NRDC: variants seen among roughly 807,000 people sequenced by gnomAD.
The protein encoded by NRDC is nardilysin.
A neutral mutation model predicts 147.1 loss-of-function variants in NRDC; 54 were observed. The ratio of observed to expected loss-of-function variants is 0.37; its 90% CI spans 0.29 to 0.46. The LOEUF is 0.46. NRDC is among the 20% of genes least tolerant of loss of function. The pLI, the probability that NRDC is intolerant of heterozygous loss-of-function variation, is 1.00. For missense variants in NRDC, 1,082 were observed against 1,370.6 expected, an observed-to-expected ratio of 0.79 and a Z score of 3.33; for synonymous variants, 440 against 482.1, an observed-to-expected ratio of 0.91 and a Z score of 1.14.
At chr1:51,820,949 G>GA (rs1183918546) in intron 8 of NRDC, among the ~76,000 whole-genome samples, 1 of 152,052 alleles carries the variant, frequency 6.6e-6, no homozygotes, top group Non-Finnish European at 1.5e-5. Context: ...TTGAGGTGGA[G>GA]AAAAAATGTT....
At chr1:51,805,191 C>T (rs1408248180) in intron 19 of NRDC, among the ~76,000 whole-genome samples, 1 of 152,172 alleles carries the variant, frequency 6.6e-6, no homozygotes, top group Non-Finnish European at 1.5e-5. Flanking sequence ...TCAACAGATC[C>T]ATCAGTCTCA....
intron 1 of NRDC, among the ~76,000 whole-genome samples, chr1:51,845,851 G>A (rs962859835): frequency 6.6e-6 from 1 of 151,942 alleles, no homozygotes; most frequent in African/African-American, 2.4e-5. Flanking sequence ...TTAATAAACA[G>A]ATATTGAATA....
chr1:51,841,903 T>A (rs555190296), intron 1 of NRDC, among the ~76,000 whole-genome samples: 1 of 152,206 alleles, frequency 6.6e-6, no homozygotes, highest in African/African-American at 2.4e-5. Context: ...TGGCCTAAGA[T>A]GGAAGACTGA....
intron 1 of NRDC, among the ~76,000 whole-genome samples, chr1:51,848,341 C>T (rs1300003649): frequency 2.6e-5 from 4 of 151,910 alleles, no homozygotes; most frequent in African/African-American, 4.8e-5. Flanking sequence ...ATTAGACAGG[C>T]GTGGTGGCAG....
At chr1:51,844,051 A>G (rs560935359) in intron 1 of NRDC, among the ~76,000 whole-genome samples, 10 of 152,248 alleles carry the variant, frequency 6.6e-5, no homozygotes, top group Admixed American at 5.9e-4. Context: ...CTCTACAGCT[A>G]TTTCCTTAGA....
Position 51,878,643 on chromosome 1 carries a change from C to A in NRDC, c.-28G>T, listed in dbSNP as rs780188475. On this transcript the variant is annotated 5_prime_UTR_variant, in exon 1 of 31. Coordinates refer to ENST00000352171, the MANE Select transcript of NRDC (RefSeq NM_001101662.2). The stretch of plus-strand genomic sequence containing the variant: ...ACCACCAAGCTGGAGCGATGGACAT[C>A]CCGCTTCCCAGGACCCACCTCCTCC... The A allele has an allele frequency of 2.5e-6, 4 of 1,581,030 alleles. No homozygotes were observed. The highest frequency in any genetic ancestry group is 2.6e-6 in the Non-Finnish European group (3 of 1,161,692).
At chr1:51,838,377 T>C (rs997213410) in intron 2 of NRDC, among the ~76,000 whole-genome samples, 3 of 152,180 alleles carry the variant, frequency 2.0e-5, no homozygotes, top group African/African-American at 7.2e-5. Context: ...TGTTCACAAT[T>C]GCTGTATAAA....
intron 1 of NRDC, among the ~76,000 whole-genome samples, chr1:51,846,728 G>A (rs566174909): frequency 1.3e-5 from 2 of 152,242 alleles, no homozygotes; most frequent in African/African-American, 4.8e-5. Context: ...GATGGAACTC[G>A]ACCCAAGTGG....
Position 51,814,040 on chromosome 1 carries a change from C to T in NRDC, c.1669G>A (p.Glu557Lys). ...AAGAATTTGACTTCCAGTACCTGTT[C>T]TTGGTAATGAAATTCATTATCCTCA... ...KIEDNEFHYQ[E>K]QTDPVEYVEN... is the part of the protein sequence containing the mutation. Residue 557 changes from glutamate (E) to lysine (K), a missense_variant, in exon 14 of 31, where the codon GAA becomes AAA. This residue lies in a region of NRDC where 635 missense variants were observed against 923.8 expected (regional missense o/e 0.69). Coordinates refer to ENST00000352171, the MANE Select transcript of NRDC (RefSeq NM_001101662.2). 6.3e-7 allele frequency: 1 copy of T among 1,598,402 alleles called. No individual in the cohort carries two copies. The highest frequency in any genetic ancestry group is 1.7e-4 in the Middle Eastern group (1 of 6,028).
At chr1:51,846,069 G>A (rs1300734676) in intron 1 of NRDC, among the ~76,000 whole-genome samples, 4 of 151,752 alleles carry the variant, frequency 2.6e-5, no homozygotes, top group Non-Finnish European at 5.9e-5. Flanking sequence ...GTATATATCT[G>A]GGGAAAGGAG....
intron 1 of NRDC, among the ~76,000 whole-genome samples, chr1:51,868,994 T>C (rs1476153786): frequency 6.6e-6 from 1 of 152,176 alleles, no homozygotes; most frequent in East Asian, 1.9e-4. Flanking sequence ...CACTGGAGTG[T>C]ACCGGTGTGA....
intron 1 of NRDC, among the ~76,000 whole-genome samples, chr1:51,842,113 C>CA: frequency 6.6e-6 from 1 of 152,136 alleles, no homozygotes; most frequent in South Asian, 2.1e-4. Context: ...GTCCAGGCTG[C>CA]AGCGAGCCCA....
chr1:51,814,683 AATT>A lies in NRDC; in HGVS notation c.1560+7_1560+9del, dbSNP rs1453834068. The stretch of plus-strand genomic sequence containing the variant: ...TAAAAGGAAAAAACAACTGAATTTG[AATT>A]ATTTACCTCATAAAAATGTTCATAA... On this transcript the variant is annotated splice_region_variant and intron_variant, in intron 12 of 30. Transcript: ENST00000352171. 6.2e-7 allele frequency: 1 copy of A among 1,606,160 alleles called. No homozygotes were observed. The highest frequency in any genetic ancestry group is 8.5e-7 in the Non-Finnish European group (1 of 1,175,150).
At chr1:51,878,129 G>A (rs373694064) in intron 1 of NRDC, 146 bp downstream of exon 1, 4 of 1,414,742 alleles carry the variant, frequency 2.8e-6, no homozygotes, top group Non-Finnish European at 3.7e-6. Flanking sequence ...CTCTAATCAC[G>A]CTTGCCACCT....
At chr1:51,829,046 G>A (rs1680583915) in intron 4 of NRDC, among the ~76,000 whole-genome samples, 2 of 151,936 alleles carry the variant, frequency 1.3e-5, no homozygotes, top group African/African-American at 4.8e-5. Flanking sequence ...ATTAATGATG[G>A]GTTGGATAAT....
chr1:51,844,609 G>A (rs1681442927), intron 1 of NRDC, among the ~76,000 whole-genome samples: 1 of 151,598 alleles, frequency 6.6e-6, no homozygotes, highest in Non-Finnish European at 1.5e-5. Context: ...CAGGCATGGC[G>A]GCGCGTGCCT....
intron 1 of NRDC, among the ~76,000 whole-genome samples, chr1:51,861,683 C>A (rs1203444156): frequency 1.3e-5 from 2 of 152,044 alleles, no homozygotes; most frequent in Non-Finnish European, 2.9e-5. Context: ...AAAACATACA[C>A]TGAAAATGAC....
chr1:51,835,575 T>G (rs1680927270), intron 3 of NRDC, among the ~76,000 whole-genome samples: 1 of 150,676 alleles, frequency 6.6e-6, no homozygotes, highest in African/African-American at 2.4e-5. Flanking sequence ...CAAATGATTC[T>G]CTTGCCTCAG....
At chr1:51,877,504 C>T (rs1377588438) in intron 1 of NRDC, among the ~76,000 whole-genome samples, 2 of 152,194 alleles carry the variant, frequency 1.3e-5, no homozygotes, top group African/African-American at 4.8e-5. Flanking sequence ...CTTATTAAAA[C>T]ACACACGCAC....
Sources: allele counts gnomAD v4.1 joint callset (sites outside exome capture counted in the v4.1 genomes callset), GRCh38; gene constraint gnomAD v4.1.1; regional missense constraint gnomAD v4.1.1; transcripts MANE v1.5; gene names NCBI Gene and HGNC (gene_info 2026-07-23, HGNC 2026-07-21).